Variants in ANKUB1 observed in about 807,000 individuals in gnomAD.
The protein encoded by ANKUB1 is protein ANKUB1.
ANKUB1 carries 42 observed loss-of-function variants against 49.3 expected under a neutral mutation model. That is an observed-to-expected ratio of 0.85 (90% CI 0.67 to 1.10). The LOEUF (loss-of-function observed/expected upper bound fraction) is 1.10. Among genes scored for constraint, ANKUB1 ranks in the 50% least tolerant of loss-of-function variants. The probability of loss-of-function intolerance (pLI) is 0.00; values close to 1 mark genes in which losing one functional copy is unlikely to be tolerated. For missense variants in ANKUB1, 613 were observed against 642.0 expected, an observed-to-expected ratio of 0.95 and a Z score of 0.49; for synonymous variants, 222 against 231.0, an observed-to-expected ratio of 0.96 and a Z score of 0.35.
At chr3:149,789,152 T>C (rs966700672) in intron 2 of ANKUB1, among the ~76,000 whole-genome samples, 3 of 152,190 alleles carry the variant, frequency 2.0e-5, no homozygotes, top group African/African-American at 7.2e-5. Flanking sequence ...CAAAAATAAA[T>C]TTTAAAATGT....
chr3:149,781,984 C>T (rs17788050), intron 2 of ANKUB1, among the ~76,000 whole-genome samples: 11,444 of 152,104 alleles, frequency 0.075, 485 homozygotes, highest in Middle Eastern at 0.11. Context: ...TTTGCCACGC[C>T]GTGCTTTCCT....
At chr3:149,788,881 A>G (rs1718231451) in intron 2 of ANKUB1, among the ~76,000 whole-genome samples, 1 of 151,712 alleles carries the variant, frequency 6.6e-6, no homozygotes, top group South Asian at 2.1e-4. Context: ...GGTTCAAGTG[A>G]TTCTTTTCCT....
chr3:149,778,820 T>C (rs1306820638), intron 3 of ANKUB1: 1 of 152,196 alleles, frequency 6.6e-6, no homozygotes, highest in Non-Finnish European at 1.5e-5. Context: ...GAAGTATCAA[T>C]AAATGCAAAT....
chr3:149,764,276 C>T (rs1339376495), intron 5 of ANKUB1, among the ~76,000 whole-genome samples: 3 of 152,100 alleles, frequency 2.0e-5, no homozygotes, highest in Non-Finnish European at 4.4e-5. Flanking sequence ...AACTTGAACT[C>T]GATCAAGAAG....
At chr3:149,774,140 C>T (rs189920399) in intron 3 of ANKUB1, among the ~76,000 whole-genome samples, 1 of 152,324 alleles carries the variant, frequency 6.6e-6, no homozygotes, top group Admixed American at 6.5e-5. Flanking sequence ...TCCCAATATT[C>T]TACCCCACTT....
At chr3:149,789,354 C>A (rs1180528200) in intron 2 of ANKUB1, among the ~76,000 whole-genome samples, 1 of 152,036 alleles carries the variant, frequency 6.6e-6, no homozygotes, top group Non-Finnish European at 1.5e-5. Context: ...GTATTACAGA[C>A]TTCTGGGAAA....
At chr3:149,764,507 C>A (rs1228958619) in intron 5 of ANKUB1, among the ~76,000 whole-genome samples, 1 of 152,002 alleles carries the variant, frequency 6.6e-6, no homozygotes, top group East Asian at 1.9e-4. Flanking sequence ...TCAGACTGAC[C>A]ACCACTCCCC....
At chr3:149,766,620 T>G in intron 5 of ANKUB1, 1 of 453,248 alleles carries the variant, frequency 2.2e-6, no homozygotes, top group East Asian at 3.4e-5. Context: ...GGCAACATGG[T>G]GAGTCCTCAT....
rs374411928 is a variant in ANKUB1, at chr3:149,780,394, A to C, written c.296T>G (p.Met99Arg). The change falls in exon 3 of 6, where the codon ATG (methionine) becomes AGG (arginine). Residue 99 changes from methionine to arginine, a missense_variant. Transcript: ENST00000446160. ...NAVTQDTMPV[M>R]ESISLLDKTV... ...TTTATCAAGAAGGGAAATGCTCTCC[A>C]TTACTGGCATTGTGTCTTGAGTTAC... 2.3e-4 allele frequency: 351 copies of C among 1,552,246 alleles called. No individual in the cohort carries two copies. The African/African-American group carries it at 4.6e-3, about 20-fold the overall frequency.
intron 5 of ANKUB1, among the ~76,000 whole-genome samples, chr3:149,763,080 A>G (rs563204189): frequency 2.0e-5 from 3 of 152,322 alleles, no homozygotes; most frequent in African/African-American, 7.2e-5. Flanking sequence ...AACCAGGTCT[A>G]TGTCTGCCTG....
rs747580476 is a variant in ANKUB1, at chr3:149,780,443, G to T, written c.247C>A (p.Pro83Thr). The change falls in exon 3 of 6, where the codon CCT becomes ACT. Residue 83 changes from proline (P) to threonine (T), a missense_variant. By Grantham distance (38) the Pro-to-Thr change is conservative. Coordinates refer to ENST00000446160, the MANE Select transcript of ANKUB1 (RefSeq NM_001144960.3). ...ACAGCATTGAACACGTATAGAGTAG[G>T]CTTGTCTTCTTCCTAAAGGGAAAGA... ...LKCFVKEEDK[P>T]TLYVFNAVTQ... 5.2e-6 allele frequency: 8 copies of T among 1,551,542 alleles called. No individual in the cohort carries two copies. In the South Asian group the frequency reaches 5.9e-5, roughly 12 times the overall value.
Position 149,761,504 on chromosome 3 carries a change from A to G in ANKUB1, c.1615T>C (p.Ser539Pro). 6.4e-7 allele frequency: 1 copy of G among 1,551,410 alleles called. No homozygotes were observed. The highest frequency in any genetic ancestry group is 1.2e-5 in the South Asian group (1 of 84,046). Residue 539 changes from serine to proline, a missense_variant, in exon 6 of 6, where the codon TCT becomes CCT. Transcript: ENST00000446160. ...TRGGLTACEN[S>P]LETVL ...ACTTTTCAAAGCACAGTTTCTAGAG[A>G]GTTTTCACACGCTGTCAGACCTCCT... is the stretch of plus-strand genomic sequence containing the variant.
intron 3 of ANKUB1, among the ~76,000 whole-genome samples, chr3:149,771,952 T>A (rs1248704534): frequency 1.3e-5 from 2 of 152,172 alleles, no homozygotes; most frequent in African/African-American, 4.8e-5. Context: ...CTCCTGCATT[T>A]TTTTTTCTCA....
intron 1 of ANKUB1, among the ~76,000 whole-genome samples, chr3:149,791,720 A>G (rs1522245): frequency 0.68 from 103,482 of 152,108 alleles, 35,740 homozygotes; most frequent in East Asian, 0.9. Flanking sequence ...TTTATATGAA[A>G]TTTATAAGGA....
chr3:149,790,681 A>T, intron 2 of ANKUB1, 100 bp downstream of exon 2: 1 of 1,221,168 alleles, frequency 8.2e-7, no homozygotes, highest in South Asian at 1.6e-5. Context: ...AAAAAGAGAC[A>T]ATTTCTTTTT....
rs553850324 is a variant in ANKUB1, at chr3:149,785,660, C to T, written c.234+5121G>A. ...CACATTTTCTTAATCCAGTCTATCA[C>T]TGATGGACATTTGGGTTGGTTCCAA... On this transcript the variant is annotated intron_variant, in intron 2 of 5. Coordinates refer to ENST00000446160, the MANE Select transcript of ANKUB1 (RefSeq NM_001144960.3). Among the ~76,000 whole-genome samples, 419 of 152,228 alleles carry T rather than the reference C, an allele frequency of 2.8e-3. 3 individuals carry two copies. Among genetic ancestry groups the T allele is most frequent in the Non-Finnish European group, 3.5e-3 (240 of 68,008 alleles).
chr3:149,786,023 T>TTTTATTTATTTATTTATTTA (rs575224030), intron 2 of ANKUB1, among the ~76,000 whole-genome samples: 3,318 of 151,798 alleles, frequency 0.022, 51 homozygotes, highest in Non-Finnish European at 0.031. Flanking sequence ...GATGATGAGC[T>TTTTATTTATTTATTTATTTA]TTTATTTATT....
intron 4 of ANKUB1, among the ~76,000 whole-genome samples, chr3:149,769,315 C>T (rs1179762633): frequency 6.6e-6 from 1 of 152,124 alleles, no homozygotes; most frequent in Non-Finnish European, 1.5e-5. Context: ...CTCCTCCTGC[C>T]CCAGCTATAC....
chr3:149,791,060 G>A, intron 1 of ANKUB1, 136 bp from the exon 2 acceptor site: 1 of 810,562 alleles, frequency 1.2e-6, no homozygotes, highest in South Asian at 2.6e-5. Context: ...TATTAAATAG[G>A]GGTTCTTAAC....
Sources: gnomAD v4.1 joint callset for allele counts (sites outside exome capture counted in the v4.1 genomes callset) on GRCh38, gnomAD v4.1.1 for gene constraint, MANE v1.5 for transcripts, NCBI Gene and HGNC (gene_info 2026-07-23, HGNC 2026-07-21) for gene names.